The following SOD2 variants were observed in gnomAD, a reference collection of about 807,000 sequenced individuals.
SOD2 encodes the protein superoxide dismutase 2, also known as superoxide dismutase [Mn], mitochondrial.
SOD2 carries 11 observed loss-of-function variants against 27.0 expected under a neutral mutation model. The observed-to-expected ratio is 0.41, with a 90% confidence interval of 0.26 to 0.67. The LOEUF (loss-of-function observed/expected upper bound fraction) is 0.67. Ranked by LOEUF, SOD2 falls within the 30% of genes least tolerant of loss-of-function variation. The probability of loss-of-function intolerance (pLI) is 0.34; values close to 1 mark genes in which losing one functional copy is unlikely to be tolerated. For synonymous variants in SOD2, 105 were observed against 103.0 expected, an observed-to-expected ratio of 1.02 and a Z score of -0.12; for missense variants, 250 against 274.5, an observed-to-expected ratio of 0.91 and a Z score of 0.63.
chr6:159,707,184 T>C (rs370691658), intron 1 of SOD2, among the ~76,000 whole-genome samples: 1 of 151,942 alleles, frequency 6.6e-6, no homozygotes, highest in Admixed American at 6.6e-5. Flanking sequence ...CTAAAATTGA[T>C]ACCCTAACAT....
intron 1 of SOD2, among the ~76,000 whole-genome samples, chr6:159,702,382 C>T (rs556662930): frequency 2.0e-5 from 3 of 151,670 alleles, no homozygotes; most frequent in East Asian, 1.9e-4. Flanking sequence ...CTGTAACCTC[C>T]GCCTCCCAGG....
chr6:159,688,451 A>G (rs1239405342), intron 2 of SOD2: 1 of 489,368 alleles, frequency 2.0e-6, no homozygotes, highest in African/African-American at 2.0e-5. Flanking sequence ...AGAGGTGGAA[A>G]AGCTAGAAAA....
At chr6:159,762,278 C>T in exon 1 of SOD2, 1 of 1,273,674 alleles carries the variant, frequency 7.9e-7, no homozygotes, top group Non-Finnish European at 1.1e-6. Flanking sequence ...GCCGCGGGAT[C>T]CCTGGAACCC....
In SOD2 at chr6:159,726,709, C is replaced by T. The variant is rs1778184677; in HGVS notation, c.-116+420G>A. The stretch of plus-strand genomic sequence containing the variant: ...CAAGGGGCCCTCAACGCCGCGGACA[C>T]AGCGCAACCTCCGACGCCAGAGAAC... On this transcript the variant is annotated intron_variant, in intron 1 of 2. Coordinates refer to the SOD2 transcript ENST00000401980. The T allele has an allele frequency of 1.3e-5, 16 of 1,225,050 alleles. No homozygotes were observed. The South Asian group carries it at 1.7e-4, about 13-fold the overall frequency. 75.9% of individuals were successfully genotyped at this position (1,225,050 alleles called of 1,614,324 possible).
chr6:159,713,319 C>G, intron 1 of SOD2: 1 of 657,550 alleles, frequency 1.5e-6, no homozygotes. Flanking sequence ...TTTTCAAACC[C>G]AGCTCCTCTG....
chr6:159,686,523 C>G (rs1780193110), intron 3 of SOD2, among the ~76,000 whole-genome samples: 1 of 152,126 alleles, frequency 6.6e-6, no homozygotes, highest in African/African-American at 2.4e-5. Context: ...TGGCAGGCAC[C>G]TATAATCCCA....
In SOD2 at chr6:159,675,364, T is replaced by C. The variant is rs1451566335; in HGVS notation, c.*7129A>G. On this transcript the variant is annotated 3_prime_UTR_variant, in exon 5 of 5. Transcript: ENST00000538183. ...TTCAAACTATACTACAAGGCTGCAG[T>C]AACCAAAACAGCATGGTACTAGTAC... 2.6e-5 allele frequency: 4 copies of C among 152,148 alleles called. No homozygotes were observed. The highest frequency in any genetic ancestry group is 2.1e-4 in the South Asian group (1 of 4,828). The allele number at this position is 152,148 out of a possible 1,614,324, so 9.4% of individuals were successfully genotyped here.
Position 159,674,562 on chromosome 6 carries a change from ACT to A in SOD2, c.*7929_*7930del, listed in dbSNP as rs1224300422. ...AATTCAACAGCCCTTCATGCTAAAA[ACT>A]CTCAATGAATTAGGTATTGATGGGA... On this transcript the variant is annotated 3_prime_UTR_variant, in exon 5 of 5. Transcript: ENST00000538183. 4 of 152,098 alleles carry A rather than the reference ACT, an allele frequency of 2.6e-5. No homozygotes were observed. The highest frequency in any genetic ancestry group is 9.7e-5 in the African/African-American group (4 of 41,398). The allele number at this position is 152,098 out of a possible 1,614,324, so 9.4% of individuals were successfully genotyped here.
At position 159,676,301 on chromosome 6, in the gene SOD2, T is replaced by C. The variant is rs1027046037; in HGVS notation, c.*6192A>G. On this transcript the variant is annotated 3_prime_UTR_variant, in exon 5 of 5. Coordinates refer to ENST00000538183, the MANE Select transcript of SOD2 (RefSeq NM_000636.4). ...TGCTATAAAGACACATGCACACGTA[T>C]ATTTATTGTGGCACTGTTCACAATA... The C allele has an allele frequency of 1.3e-5, 2 of 152,192 alleles. No homozygotes were observed. The highest frequency in any genetic ancestry group is 4.8e-5 in the African/African-American group (2 of 41,452). 9.4% of individuals were successfully genotyped at this position (152,192 alleles called of 1,614,324 possible). A position where few individuals can be genotyped will look rare whatever the true frequency, so the allele number is the denominator to read the frequency against.
At chr6:159,686,563 CT>C (rs1159422274) in intron 3 of SOD2, among the ~76,000 whole-genome samples, 1 of 152,142 alleles carries the variant, frequency 6.6e-6, no homozygotes, top group Non-Finnish European at 1.5e-5. Flanking sequence ...CAGAGAATCA[CT>C]TGAACCCGGG....
Position 159,693,163 on chromosome 6 carries a change from A to C in SOD2, c.5T>G (p.Leu2Trp). 1.3e-6 allele frequency: 2 copies of C among 1,533,146 alleles called. No homozygotes were observed. Among genetic ancestry groups the C allele is most frequent in the Non-Finnish European group, 8.8e-7 (1 of 1,139,644 alleles). 95.0% of individuals were successfully genotyped at this position (1,533,146 alleles called of 1,614,324 possible). M[L>W]SRAVCGTSRQ... ...TTCTCACCCGCACACTGCCCGGCTC[A>C]ACATGCTGCTAGTGCTGGTGCTACC... Residue 2 changes from leucine (L) to tryptophan (W), a missense_variant, in exon 1 of 5, where the codon TTG (leucine) becomes TGG (tryptophan). Transcript: ENST00000538183.
intron 1 of SOD2, among the ~76,000 whole-genome samples, chr6:159,740,286 GA>G (rs1779174764): frequency 6.6e-6 from 1 of 152,160 alleles, no homozygotes; most frequent in African/African-American, 2.4e-5. Flanking sequence ...AAGAATCATA[GA>G]AATGTTTTAT....
intron 1 of SOD2, among the ~76,000 whole-genome samples, chr6:159,720,846 CCTTT>C (rs1778022338): frequency 1.6e-5 from 1 of 62,826 alleles, no homozygotes; most frequent in Non-Finnish European, 3.7e-5. Context: ...ATTTTCTTTA[CCTTT>C]TTTTTTTTTT....
chr6:159,723,749 G>A (rs1778085686), intron 1 of SOD2, among the ~76,000 whole-genome samples: 1 of 139,122 alleles, frequency 7.2e-6, no homozygotes, highest in Admixed American at 7.1e-5. Context: ...ACAGAACTAG[G>A]ACTTTTTTTT....
upstream of SOD2, chr6:159,727,819 C>T (rs1778294988): frequency 1.6e-5 from 12 of 736,220 alleles, no homozygotes; most frequent in Non-Finnish European, 1.7e-5. Context: ...CCACACGGGC[C>T]TGGTGCGGCA....
chr6:159,707,194 T>C (rs1777644170), intron 1 of SOD2, among the ~76,000 whole-genome samples: 1 of 151,822 alleles, frequency 6.6e-6, no homozygotes. Flanking sequence ...TACCCTAACA[T>C]CACAATTAAA....
chr6:159,737,357 T>G (rs1044700658), intron 1 of SOD2, among the ~76,000 whole-genome samples: 1 of 152,214 alleles, frequency 6.6e-6, no homozygotes, highest in African/African-American at 2.4e-5. Context: ...AGCCTTTCAA[T>G]ATGTTACATT....
intron 1 of SOD2, chr6:159,743,702 A>G (rs746665780): frequency 6.2e-7 from 1 of 1,613,384 alleles, no homozygotes; most frequent in African/African-American, 1.3e-5. Flanking sequence ...CTGAAGAAAA[A>G]CTAAAGCAAC....
At position 159,675,937 on chromosome 6, in the gene SOD2, A is replaced by T. The variant is rs1407464519; in HGVS notation, c.*6556T>A. On this transcript the variant is annotated 3_prime_UTR_variant, in exon 5 of 5. Coordinates refer to ENST00000538183, the MANE Select transcript of SOD2 (RefSeq NM_000636.4). ...AACCCCATCAAAAAGTAGGTGAAGG[A>T]TATGAAGAGACACTTCTCAAAAGAA... is the stretch of plus-strand genomic sequence containing the variant. 6.6e-6 allele frequency: 1 copy of T among 152,248 alleles called. No individual in the cohort carries two copies. Among genetic ancestry groups the T allele is most frequent in the Non-Finnish European group, 1.5e-5 (1 of 68,048 alleles). The allele number at this position is 152,248 out of a possible 1,614,324, so 9.4% of individuals were successfully genotyped here.
Sources: allele counts gnomAD v4.1 joint callset (sites outside exome capture counted in the v4.1 genomes callset), GRCh38; gene constraint gnomAD v4.1.1; transcripts MANE v1.5; gene names NCBI Gene and HGNC (gene_info 2026-07-23, HGNC 2026-07-21).